Variants in POLR3B observed in about 807,000 individuals in gnomAD.
POLR3B encodes DNA-directed RNA polymerase III subunit RPC2.
A neutral mutation model predicts 147.4 loss-of-function variants in POLR3B; 96 were observed. The ratio of observed to expected loss-of-function variants is 0.65; its 90% CI spans 0.55 to 0.77. The LOEUF (loss-of-function observed/expected upper bound fraction) is 0.77, where lower values mean the gene tolerates loss of function less well. Among genes scored for constraint, POLR3B ranks in the 30% least tolerant of loss-of-function variants. POLR3B has a pLI of 0.00. For missense variants in POLR3B, 1,036 were observed against 1,413.5 expected, an observed-to-expected ratio of 0.73 and a Z score of 4.28; for synonymous variants, 461 against 485.9, an observed-to-expected ratio of 0.95 and a Z score of 0.67.
At chr12:106,371,984 CATTTGTTGAATACCTGCTA>C (rs1326553498) in intron 6 of POLR3B, among the ~76,000 whole-genome samples, 1 of 152,100 alleles carries the variant, frequency 6.6e-6, no homozygotes, top group African/African-American at 2.4e-5. Context: ...ATGTAACTAG[CATTTGTTGAATACCTGCTA>C]TGTGCCATAC....
At chr12:106,445,322 T>C (rs2137018017) in intron 19 of POLR3B, among the ~76,000 whole-genome samples, 1 of 152,316 alleles carries the variant, frequency 6.6e-6, no homozygotes, top group Non-Finnish European at 1.5e-5. Context: ...ATGCTGTAAT[T>C]GACAACCAAA....
chr12:106,373,802 G>T (rs2036641309), intron 6 of POLR3B, among the ~76,000 whole-genome samples: 1 of 152,010 alleles, frequency 6.6e-6, no homozygotes, highest in Non-Finnish European at 1.5e-5. Flanking sequence ...TTTAGTTGAA[G>T]TAAACTGCAT....
intron 16 of POLR3B, 54 bp downstream of exon 16, chr12:106,433,926 T>A (rs1401496960): frequency 1.9e-5 from 27 of 1,416,736 alleles, no homozygotes; most frequent in Middle Eastern, 3.8e-4. Context: ...ATATTTGCTC[T>A]TGAAAGAAAT....
intron 25 of POLR3B, 77 bp from the exon 26 acceptor site, chr12:106,501,246 C>G: frequency 1.2e-6 from 1 of 847,580 alleles, no homozygotes; most frequent in Non-Finnish European, 2.1e-6. Flanking sequence ...AAGGACCTGC[C>G]AGTGATGGGT....
chr12:106,495,853 G>A (rs138025723), intron 23 of POLR3B: 321 of 670,046 alleles, frequency 4.8e-4, no homozygotes, highest in African/African-American at 2.5e-3. Flanking sequence ...ACAGGCTGCA[G>A]TGCCTTTCGC....
chr12:106,419,794 CTTTTTTTTT>C (rs56756383), intron 12 of POLR3B, among the ~76,000 whole-genome samples: 136 of 88,958 alleles, frequency 1.5e-3, no homozygotes, highest in African/African-American at 5.4e-3. Context: ...TTTAGTTTTG[CTTTTTTTTT>C]TTTTTTTTTT....
intron 10 of POLR3B, among the ~76,000 whole-genome samples, chr12:106,394,854 A>G (rs1257171292): frequency 6.6e-6 from 1 of 152,234 alleles, no homozygotes; most frequent in Non-Finnish European, 1.5e-5. Context: ...ATTAAGGCAC[A>G]TATTAGCTAT....
At chr12:106,438,998 C>T (rs2037615498) in intron 18 of POLR3B, among the ~76,000 whole-genome samples, 1 of 152,150 alleles carries the variant, frequency 6.6e-6, no homozygotes, top group Non-Finnish European at 1.5e-5. Flanking sequence ...GTACCACTTA[C>T]CTGAAATTGG....
At chr12:106,428,252 T>C (rs1235094570) in intron 13 of POLR3B, among the ~76,000 whole-genome samples, 1 of 152,168 alleles carries the variant, frequency 6.6e-6, no homozygotes, top group Non-Finnish European at 1.5e-5. Context: ...TTAGAATTAC[T>C]TTTCCTTGCT....
chr12:106,378,139 C>G, intron 7 of POLR3B, 128 bp from the exon 8 acceptor site: 1 of 720,880 alleles, frequency 1.4e-6, no homozygotes. Flanking sequence ...CCCTTTGAAT[C>G]AAGTGTTAGC....
chr12:106,505,003 A>T lies in POLR3B; in HGVS notation c.3272+749A>T, dbSNP rs766360835. Among the ~76,000 whole-genome samples the T allele has an allele frequency of 1.3e-5, 2 of 152,186 alleles. 1 individual carries two copies. Among genetic ancestry groups the T allele is most frequent in the Admixed American group, 1.3e-4 (2 of 15,284 alleles). On this transcript the variant is annotated intron_variant, in intron 27 of 27. Coordinates refer to ENST00000228347, the MANE Select transcript of POLR3B (RefSeq NM_018082.6). Reference sequence around the variant, plus strand: ...GCCTGGGACCTGGTAGATGCTTCATAAAAAAATACTGGTTGAATGATACCC... The same window carrying T: ...GCCTGGGACCTGGTAGATGCTTCATTAAAAAATACTGGTTGAATGATACCC...
chr12:106,488,021 C>T (rs2038363338), intron 23 of POLR3B, among the ~76,000 whole-genome samples: 1 of 152,150 alleles, frequency 6.6e-6, no homozygotes, highest in African/African-American at 2.4e-5. Flanking sequence ...CCTTCTGTAA[C>T]CTCAAAAGTG....
chr12:106,498,611 C>T (rs918695333), intron 25 of POLR3B, among the ~76,000 whole-genome samples: 12 of 141,116 alleles, frequency 8.5e-5, no homozygotes, highest in East Asian at 5.9e-4. Flanking sequence ...GACAGAGCTT[C>T]GCTCTTATTG....
chr12:106,415,625 C>T (rs573659024), intron 12 of POLR3B, among the ~76,000 whole-genome samples: 8 of 152,200 alleles, frequency 5.3e-5, no homozygotes, highest in African/African-American at 1.4e-4. Context: ...TTGCAAAGCC[C>T]AAGACACTTC....
chr12:106,422,123 G>A (rs1300720953), intron 12 of POLR3B, among the ~76,000 whole-genome samples: 2 of 152,160 alleles, frequency 1.3e-5, no homozygotes, highest in Non-Finnish European at 1.5e-5. Context: ...ATCTCATGTT[G>A]ACATGTAATC....
chr12:106,479,603 T>G (rs1431109250), intron 23 of POLR3B, among the ~76,000 whole-genome samples: 1 of 152,074 alleles, frequency 6.6e-6, no homozygotes, highest in Non-Finnish European at 1.5e-5. Flanking sequence ...CAGGATGGTC[T>G]CGATCTCCTG....
intron 10 of POLR3B, among the ~76,000 whole-genome samples, chr12:106,397,341 T>C (rs1336926847): frequency 6.6e-6 from 1 of 152,204 alleles, no homozygotes; most frequent in Non-Finnish European, 1.5e-5. Context: ...CAAATCTTAA[T>C]TGTATGACTT....
intron 16 of POLR3B, among the ~76,000 whole-genome samples, chr12:106,436,390 G>A (rs1321214721): frequency 2.6e-5 from 4 of 152,182 alleles, no homozygotes; most frequent in African/African-American, 9.7e-5. Flanking sequence ...CTGCCAGAAT[G>A]CCTTCTCCAC....
Position 106,496,888 on chromosome 12 carries a change from G to T in POLR3B, c.2954G>T (p.Gly985Val). 6.2e-7 allele frequency: 1 copy of T among 1,613,986 alleles called. No individual in the cohort carries two copies. The highest frequency in any genetic ancestry group is 2.2e-5 in the East Asian group (1 of 44,844). ...DLVRHGYNYL[G>V]KDYVTSGITG... ...GTTCGCCATGGTTATAACTACTTGG[G>T]GAAAGACTATGTTACATCCGGCATC... Residue 985 changes from glycine (G) to valine (V), a missense_variant, in exon 25 of 28, where the codon GGG (glycine) becomes GTG (valine). Physicochemically the swap from Gly to Val is moderately radical, Grantham distance 109. Transcript: ENST00000228347.
Sources: gnomAD v4.1 joint callset for allele counts (sites outside exome capture counted in the v4.1 genomes callset) on GRCh38, gnomAD v4.1.1 for gene constraint, MANE v1.5 for transcripts, NCBI Gene and HGNC (gene_info 2026-07-23, HGNC 2026-07-21) for gene names.